Variants in PRKN observed in about 807,000 individuals in gnomAD.
PRKN encodes the protein E3 ubiquitin-protein ligase parkin.
Under a neutral mutation model 59.5 loss-of-function variants are expected in PRKN, and 56 were observed. That is an observed-to-expected ratio of 0.94 (90% CI 0.76 to 1.18). PRKN has a LOEUF of 1.18. PRKN is among the 50% of genes most tolerant of loss of function. PRKN has a pLI of 0.00. For missense variants in PRKN, 657 were observed against 596.4 expected, an observed-to-expected ratio of 1.10 and a Z score of -1.06; for synonymous variants, 250 against 222.1, an observed-to-expected ratio of 1.13 and a Z score of -1.12.
chr6:162,404,191 G>A (rs1787946239), intron 2 of PRKN, among the ~76,000 whole-genome samples: 1 of 151,800 alleles, frequency 6.6e-6, no homozygotes, highest in Non-Finnish European at 1.5e-5. Flanking sequence ...CCAACCTGGT[G>A]AAACCCCCAT....
intron 5 of PRKN, among the ~76,000 whole-genome samples, chr6:161,999,805 A>G (rs1379100963): frequency 1.3e-5 from 2 of 152,160 alleles, no homozygotes; most frequent in African/African-American, 2.4e-5. Flanking sequence ...TACTTGATGC[A>G]TATGGATGCC....
rs1018692348 is a variant in PRKN at position 161,379,420 on chromosome 6, T to C, written c.1167+7374A>G. Among the ~76,000 whole-genome samples the C allele has an allele frequency of 3.9e-5, 6 of 152,212 alleles. No individual in the cohort carries two copies. Among genetic ancestry groups the C allele is most frequent in the African/African-American group, 1.4e-4 (6 of 41,446 alleles). On this transcript the variant is annotated intron_variant, in intron 10 of 11. Coordinates refer to ENST00000366898, the MANE Select transcript of PRKN (RefSeq NM_004562.3). This position sits in a 1 kb window ranked among gnomAD's most constrained non-coding sequence, Gnocchi z 4.9. ...GTTTACCCTGCTAACCTTCCATTTG[T>C]ACATTTCTCCAGTCTCTCTCATTCC...
chr6:162,333,526 A>C (rs1185291071), intron 2 of PRKN, among the ~76,000 whole-genome samples: 2 of 152,150 alleles, frequency 1.3e-5, no homozygotes, highest in Non-Finnish European at 2.9e-5. Flanking sequence ...ACTGACATAA[A>C]TATCGTCTAG....
intron 1 of PRKN, among the ~76,000 whole-genome samples, chr6:162,566,684 C>A (rs1780095285): frequency 6.6e-6 from 1 of 152,158 alleles, no homozygotes; most frequent in Non-Finnish European, 1.5e-5. Flanking sequence ...GATGGCTTCA[C>A]TGCTGAATTC....
chr6:161,855,847 T>C (rs925015638), intron 6 of PRKN, among the ~76,000 whole-genome samples: 3 of 152,172 alleles, frequency 2.0e-5, no homozygotes, highest in Non-Finnish European at 4.4e-5. Flanking sequence ...AAATCCTTCG[T>C]AAATATTATC....
At chr6:162,588,554 A>G (rs1319990665) in intron 1 of PRKN, among the ~76,000 whole-genome samples, 1 of 151,738 alleles carries the variant, frequency 6.6e-6, no homozygotes, top group African/African-American at 2.4e-5. Context: ...AGCAGAGCTC[A>G]TTTTTCTTTT....
At chr6:162,237,172 G>C (rs1350423032) in intron 3 of PRKN, among the ~76,000 whole-genome samples, 1 of 152,080 alleles carries the variant, frequency 6.6e-6, no homozygotes, top group Non-Finnish European at 1.5e-5. Context: ...TCTGGTGGTT[G>C]TTCCTTAGTC....
rs369516797 is a variant in PRKN, at chr6:161,871,052, GGAGA to G, written c.735-85148_735-85145del. ...AGAGGAGAGAGGAGGAGGAGGATGAGGAGAGAGAGAGAGAAAATAAGAGAGAGAA... is the reference window on the plus strand; with the variant it reads ...AGAGGAGAGAGGAGGAGGAGGATGAGGAGAGAGAGAAAATAAGAGAGAGAA... On this transcript the variant is annotated intron_variant, in intron 6 of 11. Transcript: ENST00000366898. 9.5e-3 allele frequency among the ~76,000 whole-genome samples: 1,366 copies of G among 143,114 alleles called. 14 individuals are homozygous for G. The highest frequency in any genetic ancestry group is 0.035 in the African/African-American group (1,316 of 37,742). 93.9% of individuals were successfully genotyped at this position (143,114 alleles called of 152,430 possible). A position where few individuals can be genotyped will look rare whatever the true frequency, so the allele number is the denominator to read the frequency against.
At chr6:162,235,965 G>GAA (rs751590630) in intron 3 of PRKN, among the ~76,000 whole-genome samples, 7,467 of 93,514 alleles carry the variant, frequency 0.08, 443 homozygotes, top group Middle Eastern at 0.097. Flanking sequence ...AAGGAAGAAA[G>GAA]AAAGAAAGAA....
At chr6:162,433,536 C>A (rs1294894594) in intron 2 of PRKN, among the ~76,000 whole-genome samples, 1 of 149,758 alleles carries the variant, frequency 6.7e-6, no homozygotes, top group Admixed American at 6.6e-5. Flanking sequence ...TAGGCTCCTA[C>A]AAGAACAGCA....
In PRKN at chr6:162,099,650, T is replaced by G. The variant is rs375646904; in HGVS notation, c.535-45476A>C. ...GCAAGCACAGTACAAATAACTATTT[T>G]TAAATCAACAAAAATGATATCTATT... is the stretch of plus-strand genomic sequence containing the variant. On this transcript the variant is annotated intron_variant, in intron 4 of 11. Coordinates refer to ENST00000366898, the MANE Select transcript of PRKN (RefSeq NM_004562.3). Among the ~76,000 whole-genome samples, 11 of 152,352 alleles carry G rather than the reference T, an allele frequency of 7.2e-5. No individual in the cohort carries two copies. The East Asian group carries it at 1.9e-3, about 27-fold the overall frequency.
rs34838356 is a variant in PRKN, at chr6:162,414,726, A to AAAGT, written c.171+28583_171+28584insACTT. Among the ~76,000 whole-genome samples the AAAGT allele has an allele frequency of 1.6e-3, 146 of 91,870 alleles. 13 individuals are homozygous for AAAGT. In the South Asian group the frequency reaches 0.046, roughly 29 times the overall value. The allele number at this position is 91,870 out of a possible 152,430, so 60.3% of individuals were successfully genotyped here. A position where few individuals can be genotyped will look rare whatever the true frequency, so the allele number is the denominator to read the frequency against. Reference sequence around the variant, plus strand: ...ACTCCGTCTCAAAAAAAAAAAAAAAAAGTGAATCTTTGAAGTTTTAAAATA... The same window carrying AAAGT: ...ACTCCGTCTCAAAAAAAAAAAAAAAAAAGTAGTGAATCTTTGAAGTTTTAAAATA... On this transcript the variant is annotated intron_variant, in intron 2 of 11. Coordinates refer to ENST00000366898, the MANE Select transcript of PRKN (RefSeq NM_004562.3).
At chr6:162,104,008 AG>A (rs911911861) in intron 4 of PRKN, among the ~76,000 whole-genome samples, 1 of 152,198 alleles carries the variant, frequency 6.6e-6, no homozygotes, top group Non-Finnish European at 1.5e-5. Context: ...CACAGAGCAA[AG>A]CCCCTCCATG....
intron 3 of PRKN, among the ~76,000 whole-genome samples, chr6:162,250,503 G>A (rs1243764068): frequency 2.6e-5 from 4 of 152,178 alleles, no homozygotes; most frequent in South Asian, 4.1e-4. Flanking sequence ...TGTATAATGA[G>A]TAACCATCCC....
At chr6:161,914,892 A>C (rs946039175) in intron 6 of PRKN, among the ~76,000 whole-genome samples, 2 of 152,172 alleles carry the variant, frequency 1.3e-5, no homozygotes, top group Non-Finnish European at 2.9e-5. Context: ...GTTTCTAAGA[A>C]GTGCTTAAGG....
chr6:161,748,859 T>C (rs1788550742), intron 7 of PRKN, among the ~76,000 whole-genome samples: 2 of 152,192 alleles, frequency 1.3e-5, no homozygotes, highest in South Asian at 2.1e-4. Flanking sequence ...CAAGAGGGGA[T>C]AGCTGCTTTG....
chr6:162,233,486 A>G (rs1178012578), intron 3 of PRKN, among the ~76,000 whole-genome samples: 2 of 152,240 alleles, frequency 1.3e-5, no homozygotes, highest in Non-Finnish European at 2.9e-5. Flanking sequence ...AGCCTCAGTT[A>G]TGTTAATGGA....
chr6:162,513,181 C>CA (rs887799650), intron 1 of PRKN, among the ~76,000 whole-genome samples: 6 of 151,806 alleles, frequency 4.0e-5, no homozygotes, highest in South Asian at 2.1e-4. Context: ...GGCAAGGAGA[C>CA]AAAAAAAGGC....
chr6:161,682,667 T>C (rs1352803306), intron 7 of PRKN, among the ~76,000 whole-genome samples: 1 of 152,138 alleles, frequency 6.6e-6, no homozygotes, highest in Non-Finnish European at 1.5e-5. Context: ...ACAGCTTCTC[T>C]TTTGTCTTCT....
Sources: gnomAD v4.1 joint callset for allele counts (sites outside exome capture counted in the v4.1 genomes callset) on GRCh38, gnomAD v4.1.1 for gene constraint, Gnocchi (gnomAD v3.1) non-coding constraint, MANE v1.5 for transcripts, NCBI Gene and HGNC (gene_info 2026-07-23, HGNC 2026-07-21) for gene names.